ANKS1B: variants seen among roughly 807,000 people sequenced by gnomAD.
ANKS1B encodes ankyrin repeat and sterile alpha motif domain containing 1B.
In ANKS1B, 36 loss-of-function variants were observed where a neutral mutation model predicts 148.3. That is an observed-to-expected ratio of 0.24 (90% CI 0.19 to 0.32). ANKS1B has a LOEUF of 0.32. Among genes scored for constraint, ANKS1B ranks in the 10% least tolerant of loss-of-function variants. The probability of loss-of-function intolerance (pLI) is 1.00; values close to 1 mark genes in which losing one functional copy is unlikely to be tolerated. For synonymous variants in ANKS1B, 542 were observed against 560.8 expected (o/e 0.97, Z 0.47); for missense variants, 1,157 against 1,542.6 (o/e 0.75, Z 4.19).
intron 14 of ANKS1B, chr12:99,155,077 T>C: frequency 2.0e-6 from 3 of 1,533,682 alleles, no homozygotes; most frequent in East Asian, 4.9e-5. Flanking sequence ...ATCTTCATAC[T>C]GGTTATACGT....
chr12:99,904,122 T>C lies in ANKS1B; in HGVS notation c.135-78733A>G, dbSNP rs1485470124. ...TAATTTAAGTTGGATTTGTGTCTCTTATCCCGAGAGTCCTTAATTTACCTA... is the reference window on the plus strand; with the variant it reads ...TAATTTAAGTTGGATTTGTGTCTCTCATCCCGAGAGTCCTTAATTTACCTA... On this transcript the variant is annotated intron_variant, in intron 1 of 26. Coordinates refer to ENST00000683438, the MANE Select transcript of ANKS1B (RefSeq NM_001352186.2). 3.9e-5 allele frequency among the ~76,000 whole-genome samples: 6 copies of C among 152,290 alleles called. No individual in the cohort carries two copies. In the East Asian group the frequency reaches 1.2e-3, roughly 29 times the overall value.
chr12:99,493,029 C>T (rs2096569568), intron 10 of ANKS1B, among the ~76,000 whole-genome samples: 2 of 152,074 alleles, frequency 1.3e-5, no homozygotes, highest in South Asian at 2.1e-4. Context: ...TATTGGAAGT[C>T]CTGGCCAGAT....
chr12:99,588,941 A>G (rs891381785), intron 9 of ANKS1B, among the ~76,000 whole-genome samples: 2 of 152,226 alleles, frequency 1.3e-5, no homozygotes, highest in Non-Finnish European at 2.9e-5. Context: ...ATTTTATTAA[A>G]TAACCTATCA....
intron 8 of ANKS1B, among the ~76,000 whole-genome samples, chr12:99,666,857 G>GGTGTGTGT (rs3083633): frequency 0.012 from 1,532 of 132,604 alleles, 18 homozygotes; most frequent in South Asian, 0.034. Context: ...GTTACTATGG[G>GGTGTGTGT]GTGTGTGTGT....
intron 12 of ANKS1B, among the ~76,000 whole-genome samples, chr12:99,247,104 C>T (rs549753147): frequency 7.9e-5 from 12 of 152,230 alleles, no homozygotes; most frequent in Non-Finnish European, 1.3e-4. Context: ...GAGTTCATTT[C>T]AAAAGTATGA....
chr12:99,841,318 A>C (rs1404961646), intron 1 of ANKS1B, among the ~76,000 whole-genome samples: 4 of 152,010 alleles, frequency 2.6e-5, no homozygotes, highest in Non-Finnish European at 4.4e-5. Flanking sequence ...CTTTTAATAC[A>C]TTAACATATT....
intron 17 of ANKS1B, among the ~76,000 whole-genome samples, chr12:98,846,620 C>T (rs1169399795): frequency 6.6e-6 from 1 of 152,236 alleles, no homozygotes; most frequent in Non-Finnish European, 1.5e-5. Flanking sequence ...AGGGCCAGAA[C>T]ACACACTCTG....
intron 14 of ANKS1B, among the ~76,000 whole-genome samples, chr12:99,180,296 C>G (rs918777719): frequency 2.6e-5 from 4 of 152,154 alleles, no homozygotes; most frequent in African/African-American, 9.7e-5. Flanking sequence ...ATATTTTTCA[C>G]AAGACTTTAA....
chr12:98,824,553 A>G (rs527648899), intron 19 of ANKS1B, among the ~76,000 whole-genome samples: 1 of 152,324 alleles, frequency 6.6e-6, no homozygotes, highest in African/African-American at 2.4e-5. Flanking sequence ...TACAGGCCTG[A>G]GAAGCAGACA....
intron 17 of ANKS1B, among the ~76,000 whole-genome samples, chr12:98,840,274 C>T (rs143910538): frequency 7.6e-4 from 116 of 152,276 alleles, no homozygotes; most frequent in African/African-American, 2.5e-3. Flanking sequence ...TAACTCTTTC[C>T]CTTTACCTCT....
chr12:99,808,794 T>C (rs1565767554), intron 3 of ANKS1B, among the ~76,000 whole-genome samples: 1 of 152,094 alleles, frequency 6.6e-6, no homozygotes, highest in African/African-American at 2.4e-5. Flanking sequence ...AAAGGCCAGT[T>C]ATGAAATAAT....
chr12:99,775,513 G>A (rs377155683), intron 7 of ANKS1B, 35 bp downstream of exon 7: 79 of 1,415,878 alleles, frequency 5.6e-5, no homozygotes, highest in Middle Eastern at 1.8e-4. Context: ...TACAAGTCTA[G>A]TATAGATTCC....
chr12:99,639,631 G>C (rs1029191432), intron 9 of ANKS1B, among the ~76,000 whole-genome samples: 41 of 152,240 alleles, frequency 2.7e-4, no homozygotes, highest in African/African-American at 9.6e-4. Flanking sequence ...TCTCATAATA[G>C]TGAATGAGTT....
At chr12:99,788,170 T>A (rs900715098) in intron 4 of ANKS1B, among the ~76,000 whole-genome samples, 1 of 152,208 alleles carries the variant, frequency 6.6e-6, no homozygotes, top group African/African-American at 2.4e-5. Context: ...GCCTATGCCA[T>A]TCCTCCACCA....
intron 1 of ANKS1B, among the ~76,000 whole-genome samples, chr12:99,837,017 A>T (rs2153694007): frequency 6.6e-6 from 1 of 152,292 alleles, no homozygotes; most frequent in African/African-American, 2.4e-5. Flanking sequence ...TTGCAGATAG[A>T]CTTACATTGC....
At chr12:98,957,195 T>A (rs2099863622) in intron 17 of ANKS1B, among the ~76,000 whole-genome samples, 1 of 152,152 alleles carries the variant, frequency 6.6e-6, no homozygotes, top group Non-Finnish European at 1.5e-5. Flanking sequence ...TTCCTGGATT[T>A]TTCCCATGCT....
At chr12:99,916,355 T>C (rs1424579278) in intron 1 of ANKS1B, among the ~76,000 whole-genome samples, 1 of 152,192 alleles carries the variant, frequency 6.6e-6, no homozygotes, top group South Asian at 2.1e-4. Context: ...AAGCTGACAC[T>C]TATACCAGGG....
chr12:99,087,574 T>C (rs1420156699), intron 15 of ANKS1B, among the ~76,000 whole-genome samples: 1 of 152,252 alleles, frequency 6.6e-6, no homozygotes, highest in Non-Finnish European at 1.5e-5. Context: ...GAAAGCGTTA[T>C]TATTTCCAGA....
intron 25 of ANKS1B, among the ~76,000 whole-genome samples, chr12:98,760,876 C>A (rs573702901): frequency 1.3e-5 from 2 of 152,322 alleles, no homozygotes; most frequent in African/African-American, 2.4e-5. Flanking sequence ...AAAGTTTGAT[C>A]TCTGCACGAA....
Sources: gnomAD v4.1 joint callset for allele counts (sites outside exome capture counted in the v4.1 genomes callset) on GRCh38, gnomAD v4.1.1 for gene constraint, MANE v1.5 for transcripts, NCBI Gene and HGNC (gene_info 2026-07-23, HGNC 2026-07-21) for gene names.